NALF1: variants seen among roughly 807,000 people sequenced by gnomAD.
NALF1 encodes family with sequence similarity 155 member A.
In NALF1, 3 loss-of-function variants were observed where a neutral mutation model predicts 48.4. That is an observed-to-expected ratio of 0.06 (90% CI 0.03 to 0.16). The LOEUF is 0.16. NALF1 is among the 10% of genes least tolerant of loss of function. The pLI, the probability that NALF1 is intolerant of heterozygous loss-of-function variation, is 1.00. For missense variants in NALF1, 526 were observed against 571.5 expected (o/e 0.92, Z 0.81); for synonymous variants, 262 against 245.7 (o/e 1.07, Z -0.62).
intron 1 of NALF1, among the ~76,000 whole-genome samples, chr13:107,377,859 G>A (rs970572018): frequency 3.9e-5 from 6 of 152,106 alleles, no homozygotes; most frequent in Non-Finnish European, 7.4e-5. Flanking sequence ...TAAAGGTTTG[G>A]ATGAGCTCTA....
intron 1 of NALF1, among the ~76,000 whole-genome samples, chr13:107,736,228 C>T (rs1361967328): frequency 6.9e-4 from 1 of 1,446 alleles, no homozygotes; most frequent in Non-Finnish European, 0.012. Flanking sequence ...CACACACGCG[C>T]GCGTGTACCT....
intron 1 of NALF1, among the ~76,000 whole-genome samples, chr13:107,604,470 T>C (rs1253878794): frequency 6.6e-6 from 1 of 152,242 alleles, no homozygotes; most frequent in Non-Finnish European, 1.5e-5. Context: ...AGTGGATTTT[T>C]CATTTCTTGG....
At chr13:107,594,164 C>A (rs1878679599) in intron 1 of NALF1, among the ~76,000 whole-genome samples, 1 of 152,044 alleles carries the variant, frequency 6.6e-6, no homozygotes, top group African/African-American at 2.4e-5. Flanking sequence ...AGAAAGTGGG[C>A]TGTAGTCTAC....
At chr13:107,498,332 G>C (rs1252115521) in intron 1 of NALF1, among the ~76,000 whole-genome samples, 1 of 152,114 alleles carries the variant, frequency 6.6e-6, no homozygotes, top group Non-Finnish European at 1.5e-5. Context: ...CTACCAGTAA[G>C]GAATTGAAGA....
chr13:107,275,012 C>T (rs926749887), intron 1 of NALF1, among the ~76,000 whole-genome samples: 51 of 152,220 alleles, frequency 3.4e-4, no homozygotes, highest in African/African-American at 1.2e-3. Flanking sequence ...TCCTGCGGAA[C>T]CTGGATAACT....
rs138593283 is a variant in NALF1, at chr13:107,531,627, A to G, written c.916-320872T>C. On this transcript the variant is annotated intron_variant, in intron 1 of 2. Coordinates refer to ENST00000375915, the MANE Select transcript of NALF1 (RefSeq NM_001080396.3). ...TAATTTTCCCAGTTTATTCAACATC[A>G]AAACCAGTACATTTTAGTTAAACTC... 2.6e-5 allele frequency among the ~76,000 whole-genome samples: 4 copies of G among 152,238 alleles called. No homozygotes were observed. The East Asian group carries it at 7.7e-4, about 29-fold the overall frequency.
intron 1 of NALF1, among the ~76,000 whole-genome samples, chr13:107,389,371 C>A (rs931046430): frequency 1.3e-5 from 2 of 152,086 alleles, no homozygotes; most frequent in Non-Finnish European, 1.5e-5. Context: ...TTAGAGTGGA[C>A]CCTAATCCAT....
At chr13:107,788,772 T>G (rs1307534703) in intron 1 of NALF1, 1 of 150,868 alleles carries the variant, frequency 6.6e-6, no homozygotes, top group Non-Finnish European at 1.5e-5. Flanking sequence ...GCAGTTTGAT[T>G]GTATCCTTTT....
intron 1 of NALF1, among the ~76,000 whole-genome samples, chr13:107,740,426 T>C (rs1265865644): frequency 3.3e-5 from 5 of 152,128 alleles, no homozygotes; most frequent in Non-Finnish European, 7.4e-5. Context: ...AAGATAAAAA[T>C]TGCAAATTAT....
intron 1 of NALF1, among the ~76,000 whole-genome samples, chr13:107,713,032 AGAGCTGAG>A (rs889354209): frequency 1.3e-5 from 2 of 152,154 alleles, no homozygotes; most frequent in African/African-American, 4.8e-5. Context: ...CAGGACATTC[AGAGCTGAG>A]GTGTCCCTGC....
chr13:107,610,162 G>C (rs1594158930), intron 1 of NALF1, among the ~76,000 whole-genome samples: 1 of 152,204 alleles, frequency 6.6e-6, no homozygotes, highest in Non-Finnish European at 1.5e-5. Context: ...TACTAGGGAA[G>C]AGGAAACTGG....
chr13:107,338,162 A>G (rs574042173), intron 1 of NALF1, among the ~76,000 whole-genome samples: 1 of 152,354 alleles, frequency 6.6e-6, no homozygotes, highest in Admixed American at 6.5e-5. Context: ...TTAAAATAAT[A>G]ATGAAAAATA....
chr13:107,294,960 T>C (rs965995759), intron 1 of NALF1, among the ~76,000 whole-genome samples: 1 of 151,874 alleles, frequency 6.6e-6, no homozygotes, highest in Non-Finnish European at 1.5e-5. Flanking sequence ...GGAATCTTGA[T>C]TGTTGCTACC....
chr13:107,847,425 T>A (rs547252289), intron 1 of NALF1, among the ~76,000 whole-genome samples: 1 of 152,290 alleles, frequency 6.6e-6, no homozygotes, highest in African/African-American at 2.4e-5. Flanking sequence ...TGTCATCACC[T>A]CTCCTTGAAT....
intron 1 of NALF1, among the ~76,000 whole-genome samples, chr13:107,810,467 A>C (rs1179012070): frequency 6.6e-6 from 1 of 152,018 alleles, no homozygotes; most frequent in African/African-American, 2.4e-5. Context: ...CATCACCTCT[A>C]TACAGATAAG....
rs184318630 is a variant in NALF1, at chr13:107,235,359, T to A, written c.916-24604A>T. 3.7e-3 allele frequency among the ~76,000 whole-genome samples: 560 copies of A among 152,000 alleles called. 5 individuals are homozygous for A. Among genetic ancestry groups the A allele is most frequent in the African/African-American group, 0.011 (440 of 41,458 alleles). Reference sequence around the variant, plus strand: ...GTCAACACCTACTTTTCTTTTTTTTTAAAAAAAGCCATTGCATCCAAATGC... The same window carrying A: ...GTCAACACCTACTTTTCTTTTTTTTAAAAAAAAGCCATTGCATCCAAATGC... On this transcript the variant is annotated intron_variant, in intron 1 of 2. Coordinates refer to ENST00000375915, the MANE Select transcript of NALF1 (RefSeq NM_001080396.3).
chr13:107,362,071 A>G lies in NALF1; in HGVS notation c.916-151316T>C, dbSNP rs1351304372. Among the ~76,000 whole-genome samples the G allele has an allele frequency of 6.6e-6, 1 of 152,164 alleles. No individual in the cohort carries two copies. The highest frequency in any genetic ancestry group is 1.9e-4 in the East Asian group (1 of 5,190). On this transcript the variant is annotated intron_variant, in intron 1 of 2. Transcript: ENST00000375915. This position sits in a 1 kb window ranked among gnomAD's most constrained non-coding sequence, Gnocchi z 4.6. Reference sequence around the variant, plus strand: ...AACAGAAGTCGCACTGCCAGCCTGCAGTGCATAGGTAGAGATGGGGGAATT... The same window carrying G: ...AACAGAAGTCGCACTGCCAGCCTGCGGTGCATAGGTAGAGATGGGGGAATT...
intron 1 of NALF1, among the ~76,000 whole-genome samples, chr13:107,743,573 A>G (rs1187329963): frequency 6.6e-6 from 1 of 152,222 alleles, no homozygotes; most frequent in African/African-American, 2.4e-5. Flanking sequence ...CATGCATTAT[A>G]TACACAACAC....
intron 1 of NALF1, among the ~76,000 whole-genome samples, chr13:107,621,799 G>A (rs1879523348): frequency 6.6e-6 from 1 of 152,106 alleles, no homozygotes; most frequent in Admixed American, 6.5e-5. Flanking sequence ...GTGGCCTTCT[G>A]ATCACAGCTG....
Sources: gnomAD v4.1 joint callset for allele counts (sites outside exome capture counted in the v4.1 genomes callset) on GRCh38, gnomAD v4.1.1 for gene constraint, Gnocchi (gnomAD v3.1) non-coding constraint, MANE v1.5 for transcripts, NCBI Gene and HGNC (gene_info 2026-07-23, HGNC 2026-07-21) for gene names.